Variants in SNX30 observed in about 807,000 individuals in gnomAD.
SNX30 encodes sorting nexin family member 30.
In SNX30, 24 loss-of-function variants were observed where a neutral mutation model predicts 46.4. The ratio of observed to expected loss-of-function variants is 0.52; its 90% confidence interval spans 0.37 to 0.73. The LOEUF (loss-of-function observed/expected upper bound fraction) is 0.73, where lower values mean the gene tolerates loss of function less well. Among genes scored for constraint, SNX30 ranks in the 30% least tolerant of loss-of-function variants. SNX30 has a pLI of 0.00. For synonymous variants in SNX30, 189 were observed against 211.5 expected, an observed-to-expected ratio of 0.89 and a Z score of 0.92; for missense variants, 533 against 555.7, an observed-to-expected ratio of 0.96 and a Z score of 0.41.
chr9:112,815,052 T>C (rs1840376394), intron 2 of SNX30, among the ~76,000 whole-genome samples: 1 of 152,178 alleles, frequency 6.6e-6, no homozygotes. Context: ...TAGAAAAATA[T>C]GGAAACATAT....
At chr9:112,867,578 G>A (rs1841381874) in intron 8 of SNX30, among the ~76,000 whole-genome samples, 1 of 132,606 alleles carries the variant, frequency 7.5e-6, no homozygotes, top group Non-Finnish European at 1.6e-5. Context: ...CACTTCCTCA[G>A]AATTCCTCCT....
chr9:112,879,512 G>A (rs1841552161), downstream of SNX30: 7 of 471,686 alleles, frequency 1.5e-5, no homozygotes, highest in South Asian at 3.2e-5. Flanking sequence ...ATGCTCTGCT[G>A]TCACAGAACC....
At chr9:112,765,849 G>A (rs1056246758) in intron 1 of SNX30, among the ~76,000 whole-genome samples, 1 of 152,042 alleles carries the variant, frequency 6.6e-6, no homozygotes, top group Non-Finnish European at 1.5e-5. Context: ...TGTTGCCCAG[G>A]CTGGAGTGCA....
At position 112,870,709 on chromosome 9, in the gene SNX30, G is replaced by A. The variant is rs985313815; in HGVS notation, c.*1866G>A. 1 of 152,232 alleles carries A rather than the reference G, an allele frequency of 6.6e-6. No individual in the cohort carries two copies. Among genetic ancestry groups the A allele is most frequent in the African/African-American group, 2.4e-5 (1 of 41,454 alleles). 9.4% of individuals were successfully genotyped at this position (152,232 alleles called of 1,614,324 possible). ...TGTTGACGTGGGTATGGACGCCTGG[G>A]TCTGACCTGACACTGTGCTGGGAGA... is the stretch of plus-strand genomic sequence containing the variant. On this transcript the variant is annotated 3_prime_UTR_variant, in exon 9 of 9. Coordinates refer to ENST00000374232, the MANE Select transcript of SNX30 (RefSeq NM_001012994.2).
chr9:112,843,481 G>A (rs1190706241), intron 6 of SNX30, among the ~76,000 whole-genome samples: 1 of 152,062 alleles, frequency 6.6e-6, no homozygotes, highest in Non-Finnish European at 1.5e-5. Flanking sequence ...TTAGGCAGAG[G>A]GGAGCAGCCA....
intron 4 of SNX30, among the ~76,000 whole-genome samples, chr9:112,833,538 G>C (rs555041697): frequency 1.3e-5 from 2 of 152,280 alleles, no homozygotes; most frequent in South Asian, 4.1e-4. Flanking sequence ...GTAATACTGG[G>C]AGAAATGGGG....
intron 2 of SNX30, among the ~76,000 whole-genome samples, chr9:112,809,160 C>T (rs1458715468): frequency 6.6e-6 from 1 of 151,632 alleles, no homozygotes; most frequent in Non-Finnish European, 1.5e-5. Context: ...GACCTCAGCT[C>T]ACTGCGGCCT....
chr9:112,840,220 G>A (rs1231077937), intron 6 of SNX30, among the ~76,000 whole-genome samples: 1 of 152,228 alleles, frequency 6.6e-6, no homozygotes, highest in East Asian at 1.9e-4. Flanking sequence ...TGGAAATGAT[G>A]GTGGTGATAG....
chr9:112,797,711 C>CTTTTTTTTTTTTTTTTTT (rs71384277), intron 1 of SNX30, among the ~76,000 whole-genome samples: 15 of 121,346 alleles, frequency 1.2e-4, no homozygotes, highest in East Asian at 2.3e-4. Context: ...TTTTCTTTTT[C>CTTTTTTTTTTTTTTTTTT]TTTTTTTTTT....
At chr9:112,774,956 T>C (rs1839716365) in intron 1 of SNX30, among the ~76,000 whole-genome samples, 1 of 150,940 alleles carries the variant, frequency 6.6e-6, no homozygotes. Flanking sequence ...GCGATTCTCA[T>C]GCCTCAGCCT....
Position 112,865,667 on chromosome 9 carries a change from G to A in SNX30, c.1254+1268G>A, listed in dbSNP as rs112172209. On this transcript the variant is annotated intron_variant, in intron 8 of 8. Coordinates refer to ENST00000374232, the MANE Select transcript of SNX30 (RefSeq NM_001012994.2). ...TATATATATATATATATATATGTAT[G>A]TATGTATGCACACACACACACACGT... Among the ~76,000 whole-genome samples the A allele has an allele frequency of 3.9e-3, 291 of 75,396 alleles. 7 individuals are homozygous for A. The highest frequency in any genetic ancestry group is 0.012 in the African/African-American group (205 of 17,630). 49.5% of individuals were successfully genotyped at this position (75,396 alleles called of 152,430 possible).
chr9:112,844,865 T>C (rs1421555465), intron 6 of SNX30, among the ~76,000 whole-genome samples: 3 of 152,208 alleles, frequency 2.0e-5, no homozygotes, highest in African/African-American at 7.2e-5. Context: ...GGCCACAAGG[T>C]GGCGCCAATG....
chr9:112,765,116 G>A (rs1362383398), intron 1 of SNX30, among the ~76,000 whole-genome samples: 1 of 152,194 alleles, frequency 6.6e-6, no homozygotes, highest in Non-Finnish European at 1.5e-5. Context: ...CAGCTACCGG[G>A]TTCAGAAGCA....
At chr9:112,841,604 C>T (rs1840860512) in intron 6 of SNX30, among the ~76,000 whole-genome samples, 1 of 152,238 alleles carries the variant, frequency 6.6e-6, no homozygotes, top group Non-Finnish European at 1.5e-5. Context: ...AACAGGGCCA[C>T]TGCTCCTCCA....
chr9:112,864,426 T>C (rs2131506096), intron 8 of SNX30, 27 bp downstream of exon 8: 1 of 1,613,464 alleles, frequency 6.2e-7, no homozygotes, highest in South Asian at 1.1e-5. Flanking sequence ...ACAAGACTGG[T>C]TTCTAATGGC....
At position 112,806,679 on chromosome 9, in the gene SNX30, C is replaced by T. The variant is rs533933929; in HGVS notation, c.348+1712C>T. On this transcript the variant is annotated intron_variant, in intron 2 of 8. Transcript: ENST00000374232. The stretch of plus-strand genomic sequence containing the variant: ...TATATTTGTAAAAAAATAAAAGAAG[C>T]GATGCTGAAGGCCACATGCTGAGTG... 1.0e-3 allele frequency among the ~76,000 whole-genome samples: 152 copies of T among 152,174 alleles called. 1 individual carries two copies. Among genetic ancestry groups the T allele is most frequent in the African/African-American group, 3.4e-3 (140 of 41,522 alleles).
intron 1 of SNX30, among the ~76,000 whole-genome samples, chr9:112,755,448 G>A (rs7863952): frequency 0.073 from 11,017 of 151,810 alleles, 894 homozygotes; most frequent in African/African-American, 0.2. Flanking sequence ...GAATGTGGCC[G>A]GTCACCCTGA....
intron 7 of SNX30, among the ~76,000 whole-genome samples, chr9:112,852,239 G>C (rs1377022557): frequency 1.5e-5 from 2 of 132,736 alleles, no homozygotes; most frequent in African/African-American, 5.7e-5. Context: ...GGGCAGCATA[G>C]GGAGACCCTA....
chr9:112,851,508 C>G (rs536654088), intron 7 of SNX30, among the ~76,000 whole-genome samples: 1 of 152,306 alleles, frequency 6.6e-6, no homozygotes, highest in East Asian at 1.9e-4. Context: ...AAAAGTGGCC[C>G]TTTACTCCAC....
Sources: gnomAD v4.1 joint callset for allele counts (sites outside exome capture counted in the v4.1 genomes callset) on GRCh38, gnomAD v4.1.1 for gene constraint, MANE v1.5 for transcripts, NCBI Gene and HGNC (gene_info 2026-07-23, HGNC 2026-07-21) for gene names.